Variants in ABCC12 observed in about 807,000 individuals in gnomAD.
ABCC12 encodes the protein ATP-binding cassette sub-family C member 12.
ABCC12 carries 142 observed loss-of-function variants against 151.1 expected under a neutral mutation model. That is an observed-to-expected ratio of 0.94 (90% CI 0.82 to 1.08). The LOEUF (loss-of-function observed/expected upper bound fraction) is 1.08. Ranked by LOEUF, ABCC12 falls within the 50% of genes least tolerant of loss-of-function variation. The pLI is 0.00. For missense variants in ABCC12, 1,638 were observed against 1,691.1 expected, an observed-to-expected ratio of 0.97 and a Z score of 0.55; for synonymous variants, 645 against 646.4, an observed-to-expected ratio of 1.00 and a Z score of 0.03.
At chr16:48,129,496 A>T (rs1433983985) in intron 10 of ABCC12, among the ~76,000 whole-genome samples, 4 of 152,186 alleles carry the variant, frequency 2.6e-5, no homozygotes, top group African/African-American at 9.7e-5. Context: ...GTAGCATGAA[A>T]CAAGCAATTC....
chr16:48,154,278 T>C (rs1264385040), intron 1 of ABCC12, among the ~76,000 whole-genome samples: 1 of 152,154 alleles, frequency 6.6e-6, no homozygotes, highest in Non-Finnish European at 1.5e-5. Context: ...ACAAAGACCA[T>C]GTACAACTTG....
chr16:48,152,437 A>C (rs1965129203), intron 2 of ABCC12, among the ~76,000 whole-genome samples: 1 of 152,228 alleles, frequency 6.6e-6, no homozygotes, highest in South Asian at 2.1e-4. Context: ...CACAGCGGAC[A>C]GTCAAGCTGT....
Position 48,111,728 on chromosome 16 carries a change from G to C in ABCC12, c.2124+48C>G. The C allele has an allele frequency of 3.7e-6, 6 of 1,613,986 alleles. 1 individual carries two copies. The highest frequency in any genetic ancestry group is 5.1e-6 in the Non-Finnish European group (6 of 1,179,940). On this transcript the variant is annotated intron_variant, in intron 16 of 30. Coordinates refer to ENST00000311303, the MANE Select transcript of ABCC12 (RefSeq NM_001393797.1). The stretch of plus-strand genomic sequence containing the variant: ...GGACCTCTCCCAGGCACGAAATCCT[G>C]AGGGATTCCGCCCCAATTGTTCCCA...
intron 19 of ABCC12, among the ~76,000 whole-genome samples, chr16:48,107,627 G>A (rs542933910): frequency 1.8e-4 from 28 of 152,328 alleles, no homozygotes; most frequent in South Asian, 6.2e-4. Context: ...TACCTGGTTG[G>A]AAAATGGCTC....
In ABCC12 at chr16:48,091,177, C is replaced by T. The variant is rs993271331; in HGVS notation, c.3228G>A (p.Thr1076=). The T allele has an allele frequency of 8.1e-6, 13 of 1,614,156 alleles. No individual in the cohort carries two copies. The highest frequency in any genetic ancestry group is 4.5e-5 in the East Asian group (2 of 44,878). Residue 1076 remains threonine (T), a synonymous_variant, in exon 25 of 31, where the codon ACG becomes ACA. Transcript: ENST00000311303. Reference sequence around the variant, plus strand: ...TGAATTTGGCTTGCGTCTCTGTTCCCGTTCGCACACACACTTGGAGCAGTC... The same window carrying T: ...TGAATTTGGCTTGCGTCTCTGTTCCTGTTCGCACACACACTTGGAGCAGTC... ...LSGLLQVCVR[T]GTETQAKFTS... is the part of the protein sequence containing the mutation.
In ABCC12 at chr16:48,140,706, G is replaced by A. The variant is rs372580812; in HGVS notation, c.638C>T (p.Thr213Ile). Reference protein sequence around the residue: ...FENLVSFKTLTHISVGEVLNI... With the variant: ...FENLVSFKTLIHISVGEVLNI... ...GCTTACCTCGCCAACAGAGATGTGG[G>A]TCAATGTCTTGAAGGACACTAGGTT... Residue 213 changes from threonine to isoleucine, a missense_variant, in exon 6 of 31, where the codon ACC becomes ATC. Physicochemically the swap from Thr to Ile is moderately conservative, Grantham distance 89 (BLOSUM62 -1). Transcript: ENST00000311303. 2.5e-6 allele frequency: 4 copies of A among 1,614,186 alleles called. No homozygotes were observed. The highest frequency in any genetic ancestry group is 3.3e-4 in the Middle Eastern group (2 of 6,062).
chr16:48,128,769 G>T (rs757758228), intron 10 of ABCC12, 32 bp from the exon 11 acceptor site: 2 of 1,594,568 alleles, frequency 1.3e-6, no homozygotes, highest in Admixed American at 3.4e-5. Flanking sequence ...TAACTGAGCA[G>T]ATGTCATCCA....
intron 4 of ABCC12, among the ~76,000 whole-genome samples, chr16:48,141,750 G>A (rs1038962735): frequency 2.0e-5 from 3 of 152,248 alleles, no homozygotes; most frequent in Non-Finnish European, 4.4e-5. Context: ...GGTGCACAAA[G>A]AGGAGGGGCT....
chr16:48,102,150 T>C (rs1002262535), intron 22 of ABCC12, among the ~76,000 whole-genome samples: 5 of 152,054 alleles, frequency 3.3e-5, no homozygotes, highest in South Asian at 2.1e-4. Flanking sequence ...AGATGTACCT[T>C]TGATTAGTCC....
chr16:48,117,452 T>A (rs16945819), intron 13 of ABCC12, 119 bp from the exon 14 acceptor site: 8 of 1,023,368 alleles, frequency 7.8e-6, no homozygotes, highest in Non-Finnish European at 1.2e-5. Flanking sequence ...GCGGCTGCTA[T>A]GTCCAAGGCT....
At chr16:48,138,906 C>A (rs959478013) in intron 7 of ABCC12, among the ~76,000 whole-genome samples, 21 of 151,998 alleles carry the variant, frequency 1.4e-4, no homozygotes, top group African/African-American at 4.1e-4. Context: ...GAGGTTGAGG[C>A]TGCAGTGAGC....
intron 15 of ABCC12, among the ~76,000 whole-genome samples, chr16:48,112,905 A>T (rs1963748625): frequency 6.6e-6 from 1 of 152,032 alleles, no homozygotes; most frequent in Non-Finnish European, 1.5e-5. Context: ...TGTTTTTTTT[A>T]ATTTGAATTC....
chr16:48,132,515 TTCTC>T (rs546494578), intron 9 of ABCC12, among the ~76,000 whole-genome samples: 123 of 151,766 alleles, frequency 8.1e-4, no homozygotes, highest in African/African-American at 2.8e-3. Context: ...GCTTATTTCC[TTCTC>T]TCTCTCTCTC....
intron 23 of ABCC12, among the ~76,000 whole-genome samples, chr16:48,098,703 C>T (rs1423924038): frequency 6.6e-6 from 1 of 152,176 alleles, no homozygotes; most frequent in African/African-American, 2.4e-5. Context: ...GGAATTTGAC[C>T]TCTAATCTTT....
chr16:48,117,327 C>T lies in ABCC12; in HGVS notation c.1719G>A (p.Gln573=). The T allele has an allele frequency of 6.2e-7, 1 of 1,613,690 alleles. No homozygotes were observed. Among genetic ancestry groups the T allele is most frequent in the East Asian group, 2.2e-5 (1 of 44,874 alleles). Reference sequence around the variant, plus strand: ...GGAGGCCACAGACGCGGACTGTGTGCTGATACCTGTTGGTGCAAAGCTCAG... The same window carrying T: ...GGAGGCCACAGACGCGGACTGTGTGTTGATACCTGTTGGTGCAAAGCTCAG... ...FGEKYDHQRY[Q]HTVRVCGLQK... is the part of the protein sequence containing the mutation. Residue 573 remains glutamine (Q), a synonymous_variant, in exon 14 of 31, where the codon CAG becomes CAA. Coordinates refer to ENST00000311303, the MANE Select transcript of ABCC12 (RefSeq NM_001393797.1).
Position 48,108,456 on chromosome 16 carries a change from G to A in ABCC12, c.2355C>T (p.Tyr785=). Residue 785 remains tyrosine (Y), a synonymous_variant, in exon 19 of 31, where the codon TAC becomes TAT. Transcript: ENST00000311303. ...GTVTWKTYHT[Y]IKASGGYLLS... is the part of the protein sequence containing the mutation. ...ATACTGAACCTCCAGAAGCCTTAATGTACGTGTGATATGTTTTCCAGGTCA... is the reference window on the plus strand; with the variant it reads ...ATACTGAACCTCCAGAAGCCTTAATATACGTGTGATATGTTTTCCAGGTCA... 6.2e-7 allele frequency: 1 copy of A among 1,614,082 alleles called. No homozygotes were observed. The highest frequency in any genetic ancestry group is 8.5e-7 in the Non-Finnish European group (1 of 1,179,922).
chr16:48,122,494 C>T (rs953062148), intron 12 of ABCC12, among the ~76,000 whole-genome samples: 2 of 152,140 alleles, frequency 1.3e-5, no homozygotes, highest in African/African-American at 4.8e-5. Context: ...TTAAGATGAC[C>T]CCTCATCGTG....
At position 48,150,847 on chromosome 16, in the gene ABCC12, C is replaced by T. The variant is rs148346629; in HGVS notation, c.-51+2769G>A. Among the ~76,000 whole-genome samples the T allele has an allele frequency of 1.4e-4, 22 of 152,282 alleles. No individual in the cohort carries two copies. The East Asian group carries it at 4.2e-3, about 29-fold the overall frequency. ...ATCTATTTTAAGCTAACAGTGAGTTCATACTGACTCTCCAACTTGAATCCA... is the reference window on the plus strand; with the variant it reads ...ATCTATTTTAAGCTAACAGTGAGTTTATACTGACTCTCCAACTTGAATCCA... On this transcript the variant is annotated intron_variant, in intron 2 of 30. Coordinates refer to ENST00000311303, the MANE Select transcript of ABCC12 (RefSeq NM_001393797.1).
chr16:48,125,524 G>A (rs983455847), intron 11 of ABCC12, among the ~76,000 whole-genome samples: 1 of 152,196 alleles, frequency 6.6e-6, no homozygotes, highest in African/African-American at 2.4e-5. Context: ...AGACGTGAAG[G>A]AGGTGAGGAA....
Sources: allele counts gnomAD v4.1 joint callset (sites outside exome capture counted in the v4.1 genomes callset), GRCh38; gene constraint gnomAD v4.1.1; transcripts MANE v1.5; gene names NCBI Gene and HGNC (gene_info 2026-07-23, HGNC 2026-07-21).